ELK3: variants seen among roughly 807,000 people sequenced by gnomAD.
ELK3 encodes ETS domain-containing protein Elk-3.
ELK3 carries 10 observed loss-of-function variants against 28.9 expected under a neutral mutation model. That is an observed-to-expected ratio of 0.35 (90% CI 0.21 to 0.59). ELK3 has a LOEUF of 0.59. Ranked by LOEUF, ELK3 falls within the 20% of genes least tolerant of loss-of-function variation. The pLI, the probability that ELK3 is intolerant of heterozygous loss-of-function variation, is 0.82. For missense variants in ELK3, 463 were observed against 517.3 expected (o/e 0.90, Z 1.02); for synonymous variants, 272 against 243.5 (o/e 1.12, Z -1.09).
intron 1 of ELK3, among the ~76,000 whole-genome samples, chr12:96,216,632 G>C (rs1337947687): frequency 6.6e-6 from 1 of 152,208 alleles, no homozygotes; most frequent in East Asian, 1.9e-4. Context: ...TCCACAGCAA[G>C]CTCTGTGAGG....
chr12:96,206,402 C>T (rs562504293), intron 1 of ELK3, among the ~76,000 whole-genome samples: 91 of 151,938 alleles, frequency 6.0e-4, no homozygotes, highest in Non-Finnish European at 7.8e-4. Context: ...CCACAACTTC[C>T]GCCTCCCAGG....
intron 1 of ELK3, among the ~76,000 whole-genome samples, chr12:96,209,642 A>G (rs928710292): frequency 6.6e-6 from 1 of 152,218 alleles, no homozygotes. Context: ...AAGTAAGTAA[A>G]TAAACATTTT....
intron 4 of ELK3, 86 bp from the exon 5 acceptor site, chr12:96,266,996 C>A: frequency 9.0e-7 from 1 of 1,116,324 alleles, no homozygotes; most frequent in Non-Finnish European, 1.3e-6. Context: ...AAATGGACTG[C>A]TATGGACTGT....
At chr12:96,208,240 CG>C (rs1392023600) in intron 1 of ELK3, among the ~76,000 whole-genome samples, 1 of 152,072 alleles carries the variant, frequency 6.6e-6, no homozygotes, top group Non-Finnish European at 1.5e-5. Context: ...TCAGTAGAGA[CG>C]GGGTTTCGCC....
intron 1 of ELK3, among the ~76,000 whole-genome samples, chr12:96,204,771 A>G (rs894880619): frequency 4.6e-5 from 7 of 152,220 alleles, no homozygotes; most frequent in Admixed American, 6.5e-5. Context: ...AAGCCAGAAA[A>G]GGAGGTGTAA....
At chr12:96,259,549 G>T (rs1951977596) in intron 3 of ELK3, among the ~76,000 whole-genome samples, 182 bp from the exon 4 acceptor site, 1 of 152,110 alleles carries the variant, frequency 6.6e-6, no homozygotes, top group Non-Finnish European at 1.5e-5. Flanking sequence ...GTCTCCAAAA[G>T]AAAAGAAAAT....
At position 96,267,193 on chromosome 12, in the gene ELK3, A is replaced by C. The variant is rs760335647; in HGVS notation, c.*13A>C. The C allele has an allele frequency of 1.9e-6, 3 of 1,606,500 alleles. No homozygotes were observed. The highest frequency in any genetic ancestry group is 3.4e-5 in the Admixed American group (2 of 58,896). ...TCAGAAATCCTGATGACGTCTGGCCACAATTAAGGACTCATTAACTGATGA... is the reference window on the plus strand; with the variant it reads ...TCAGAAATCCTGATGACGTCTGGCCCCAATTAAGGACTCATTAACTGATGA... On this transcript the variant is annotated 3_prime_UTR_variant, in exon 5 of 5. Coordinates refer to ENST00000228741, the MANE Select transcript of ELK3 (RefSeq NM_005230.4).
At chr12:96,218,583 A>T (rs536021962) in intron 1 of ELK3, among the ~76,000 whole-genome samples, 1 of 152,056 alleles carries the variant, frequency 6.6e-6, no homozygotes, top group East Asian at 1.9e-4. Flanking sequence ...TACCCATGTA[A>T]CAAACATGCA....
chr12:96,248,765 C>T lies in ELK3; in HGVS notation c.1002+1031C>T, dbSNP rs578078598. Among the ~76,000 whole-genome samples the T allele has an allele frequency of 3.8e-4, 58 of 152,340 alleles. No homozygotes were observed. The South Asian group carries it at 0.011, about 28-fold the overall frequency. On this transcript the variant is annotated intron_variant, in intron 3 of 4. Coordinates refer to ENST00000228741, the MANE Select transcript of ELK3 (RefSeq NM_005230.4). ...GCGGCAGCATATGACGGGCTCCCCA[C>T]GTGTGCCAGGCACTGCTCCAGATGC...
intron 1 of ELK3, chr12:96,212,582 G>A (rs997808222): frequency 3.3e-5 from 5 of 152,218 alleles, no homozygotes; most frequent in Non-Finnish European, 7.3e-5. Flanking sequence ...TGTTATAGGG[G>A]GGAGGTGGAT....
intron 2 of ELK3, among the ~76,000 whole-genome samples, chr12:96,238,778 G>A (rs921021647): frequency 2.0e-5 from 3 of 152,128 alleles, no homozygotes; most frequent in African/African-American, 7.2e-5. Flanking sequence ...TCTTCCGCCC[G>A]AAGAGCTAGA....
chr12:96,243,294 CCT>C (rs1473027662), intron 2 of ELK3, among the ~76,000 whole-genome samples: 1 of 152,186 alleles, frequency 6.6e-6, no homozygotes, highest in Admixed American at 6.5e-5. Flanking sequence ...TCCTTCCACC[CCT>C]CTCAGCCCTA....
chr12:96,210,315 C>A (rs1054068854), intron 1 of ELK3, among the ~76,000 whole-genome samples: 1 of 152,132 alleles, frequency 6.6e-6, no homozygotes, highest in Admixed American at 6.5e-5. Context: ...CTGAAACAGG[C>A]TTCCCTAGAG....
chr12:96,198,021 T>C (rs1951483778), intron 1 of ELK3: 1 of 152,168 alleles, frequency 6.6e-6, no homozygotes, highest in African/African-American at 2.4e-5. Flanking sequence ...ATCTATCTGA[T>C]TCAGAAGACC....
intron 1 of ELK3, among the ~76,000 whole-genome samples, chr12:96,217,008 A>G (rs1169484368): frequency 6.6e-6 from 1 of 152,266 alleles, no homozygotes; most frequent in Non-Finnish European, 1.5e-5. Context: ...TAATCCCAGC[A>G]CTTTGAGAGG....
rs148117224 is a variant in ELK3, at chr12:96,259,860, G to A, written c.1125+7G>A. ...GCCAAGCACGCTGTTCCAGGTGAGC[G>A]TTTGGAAATGAACTTTTGAACATTA... On this transcript the variant is annotated splice_region_variant and intron_variant, in intron 4 of 4. Transcript: ENST00000228741. The A allele has an allele frequency of 8.2e-4, 1,305 of 1,586,442 alleles. 20 individuals carry two copies. The African/African-American group carries it at 0.015, about 18-fold the overall frequency.
At chr12:96,205,136 A>G (rs996254482) in intron 1 of ELK3, among the ~76,000 whole-genome samples, 1 of 152,228 alleles carries the variant, frequency 6.6e-6, no homozygotes, top group African/African-American at 2.4e-5. Flanking sequence ...GTGAATGTTT[A>G]CTAACCGTCT....
chr12:96,220,814 C>T (rs919765101), intron 1 of ELK3, among the ~76,000 whole-genome samples: 2 of 152,102 alleles, frequency 1.3e-5, no homozygotes, highest in African/African-American at 2.4e-5. Context: ...TGCAGTGGTG[C>T]TGTGTAACCA....
rs79682951 is a variant in ELK3, at chr12:96,228,684, G to A, written c.207+4911G>A. Among the ~76,000 whole-genome samples, 1,325 of 152,116 alleles carry A rather than the reference G, an allele frequency of 8.7e-3. 19 individuals are homozygous for A. The highest frequency in any genetic ancestry group is 0.03 in the African/African-American group (1,262 of 41,470). On this transcript the variant is annotated intron_variant, in intron 2 of 4. Transcript: ENST00000228741. ...CTTATTTAAATGACTCTCCCTCACC[G>A]CTCTGAATCAAAGCTCTGGCACTTC...
Sources: gnomAD v4.1 joint callset for allele counts (sites outside exome capture counted in the v4.1 genomes callset) on GRCh38, gnomAD v4.1.1 for gene constraint, MANE v1.5 for transcripts, NCBI Gene and HGNC (gene_info 2026-07-23, HGNC 2026-07-21) for gene names.